PEDS1: variants seen among roughly 807,000 people sequenced by gnomAD.
The protein encoded by PEDS1 is CarF homolog.
PEDS1 carries 14 observed loss-of-function variants against 35.2 expected under a neutral mutation model. The ratio of observed to expected loss-of-function variants is 0.40; its 90% CI spans 0.26 to 0.62. The LOEUF (loss-of-function observed/expected upper bound fraction) is 0.62, where lower values mean the gene tolerates loss of function less well. Among genes scored for constraint, PEDS1 ranks in the 20% least tolerant of loss-of-function variants. PEDS1 has a pLI of 0.44. For synonymous variants in PEDS1, 152 were observed against 152.0 expected, an observed-to-expected ratio of 1.00 and a Z score of 0.00; for missense variants, 260 against 367.8, an observed-to-expected ratio of 0.71 and a Z score of 2.40.
rs527288266 is a variant in PEDS1, at chr20:50,137,209, G to C, written c.242-6262C>G. 2.2e-4 allele frequency among the ~76,000 whole-genome samples: 33 copies of C among 152,210 alleles called. No homozygotes were observed. In the South Asian group the frequency reaches 3.1e-3, roughly 14 times the overall value. ...AGACTCGTGAGGAGCTGGGACTACA[G>C]CTGTAGAGACAAGGGTCTCACCATG... On this transcript the variant is annotated intron_variant, in intron 2 of 5. Transcript: ENST00000371652.
chr20:50,141,117 T>C (rs989390825), intron 2 of PEDS1, among the ~76,000 whole-genome samples: 4 of 152,194 alleles, frequency 2.6e-5, no homozygotes, highest in African/African-American at 9.6e-5. Context: ...TTTACCCCCG[T>C]AGAGGCCTGA....
chr20:50,130,107 T>C (rs766845174), intron 3 of PEDS1, among the ~76,000 whole-genome samples: 9 of 152,112 alleles, frequency 5.9e-5, no homozygotes, highest in Non-Finnish European at 1.0e-4. Context: ...AAGGCTGACC[T>C]CGCCCCGGGC....
At chr20:50,126,774 T>A (rs930694889) in intron 5 of PEDS1, among the ~76,000 whole-genome samples, 2 of 152,210 alleles carry the variant, frequency 1.3e-5, no homozygotes, top group Non-Finnish European at 2.9e-5. Context: ...CTCACCTCTT[T>A]CGCACTGGCT....
At chr20:50,133,856 C>G (rs1368372668) in intron 2 of PEDS1, among the ~76,000 whole-genome samples, 1 of 152,242 alleles carries the variant, frequency 6.6e-6, no homozygotes, top group African/African-American at 2.4e-5. Context: ...GAAGTTGAAC[C>G]ACTGCCTCCC....
At position 50,124,819 on chromosome 20, in the gene PEDS1, G is replaced by A; in HGVS notation, c.*239C>T. The A allele has an allele frequency of 2.2e-6, 1 of 456,222 alleles. No individual in the cohort carries two copies. The highest frequency in any genetic ancestry group is 2.4e-5 in the South Asian group (1 of 41,662). The allele number at this position is 456,222 out of a possible 1,614,324, so 28.3% of individuals were successfully genotyped here. Reference sequence around the variant, plus strand: ...CTACCAGGGGAGGCTGGCAGAGTCAGGCTTGCAGATAGAGCAACTCAGGTG... The same window carrying A: ...CTACCAGGGGAGGCTGGCAGAGTCAAGCTTGCAGATAGAGCAACTCAGGTG... On this transcript the variant is annotated 3_prime_UTR_variant, in exon 6 of 6. Transcript: ENST00000371652.
At chr20:50,145,944 C>T (rs994020152) in intron 1 of PEDS1, among the ~76,000 whole-genome samples, 2 of 152,276 alleles carry the variant, frequency 1.3e-5, no homozygotes, top group African/African-American at 2.4e-5. Context: ...AACTAGTCAG[C>T]AGAGACCAGA....
chr20:50,147,911 C>G (rs961429750), intron 1 of PEDS1, among the ~76,000 whole-genome samples: 1 of 151,858 alleles, frequency 6.6e-6, no homozygotes, highest in Non-Finnish European at 1.5e-5. Context: ...CAAAAATTAG[C>G]CAGGTGTGGT....
chr20:50,146,914 C>T (rs947761709), intron 1 of PEDS1, among the ~76,000 whole-genome samples: 1 of 152,184 alleles, frequency 6.6e-6, no homozygotes, highest in Non-Finnish European at 1.5e-5. Flanking sequence ...TGATCAGGCC[C>T]AGCAAGGCCT....
intron 1 of PEDS1, among the ~76,000 whole-genome samples, chr20:50,148,587 A>G (rs2081369827): frequency 6.6e-6 from 1 of 152,174 alleles, no homozygotes; most frequent in African/African-American, 2.4e-5. Flanking sequence ...TGCCTTTGTC[A>G]TCCTGCTTTC....
At chr20:50,137,803 G>A (rs772072880) in intron 2 of PEDS1, among the ~76,000 whole-genome samples, 13 of 152,160 alleles carry the variant, frequency 8.5e-5, no homozygotes, top group South Asian at 8.3e-4. Context: ...CCTGGGAGGC[G>A]GAGGTTGCAG....
At chr20:50,151,513 G>C (rs1023379148) in intron 1 of PEDS1, among the ~76,000 whole-genome samples, 4 of 152,204 alleles carry the variant, frequency 2.6e-5, no homozygotes, top group Admixed American at 1.3e-4. Context: ...TGGGGAGTTT[G>C]AGGACCAGAG....
In PEDS1 at chr20:50,146,230, A is replaced by G. The variant is rs540840581; in HGVS notation, c.122-2609T>C. Among the ~76,000 whole-genome samples, 298 of 152,198 alleles carry G rather than the reference A, an allele frequency of 2.0e-3. 2 individuals are homozygous for G. Among genetic ancestry groups the G allele is most frequent in the African/African-American group, 6.7e-3 (276 of 41,502 alleles). On this transcript the variant is annotated intron_variant, in intron 1 of 5. Transcript: ENST00000371652. ...TCTCTTCACTCCCTGTGCACCTGAC[A>G]CTGTTCCTGCAGATCTCACCCTGGA...
intron 2 of PEDS1, among the ~76,000 whole-genome samples, chr20:50,131,583 C>T (rs2147277090): frequency 6.6e-6 from 1 of 151,740 alleles, no homozygotes; most frequent in Non-Finnish European, 1.5e-5. Flanking sequence ...GATCACACCA[C>T]TGCACTCCAG....
chr20:50,150,478 C>T (rs894306853), intron 1 of PEDS1, among the ~76,000 whole-genome samples: 2 of 152,136 alleles, frequency 1.3e-5, no homozygotes, highest in Admixed American at 1.3e-4. Context: ...TCCCTCCCTC[C>T]AGTCCTTCCT....
intron 3 of PEDS1, among the ~76,000 whole-genome samples, chr20:50,130,228 G>A (rs1399159876): frequency 6.6e-6 from 1 of 152,214 alleles, no homozygotes; most frequent in Non-Finnish European, 1.5e-5. Flanking sequence ...GGAGTGAGCC[G>A]TGGGACTTCA....
At chr20:50,125,919 G>A (rs1601205003) in intron 5 of PEDS1, among the ~76,000 whole-genome samples, 3 of 152,040 alleles carry the variant, frequency 2.0e-5, no homozygotes, top group South Asian at 2.1e-4. Flanking sequence ...ATGCAGATGG[G>A]GTCTTGTCTT....
At chr20:50,151,564 T>A (rs2147311634) in intron 1 of PEDS1, among the ~76,000 whole-genome samples, 1 of 152,150 alleles carries the variant, frequency 6.6e-6, no homozygotes, top group African/African-American at 2.4e-5. Flanking sequence ...AGACTACTGT[T>A]AACAACAGGG....
At position 50,143,356 on chromosome 20, in the gene PEDS1, C is replaced by T. The variant is rs114559890; in HGVS notation, c.241+146G>A. ...ACAGGCTGCAGGGAGGTGCTGCTGA[C>T]TGCAATAGGGAGGTGGGGTACTCAA... On this transcript the variant is annotated intron_variant, in intron 2 of 5. Transcript: ENST00000371652. 3,590 of 1,337,662 alleles carry T rather than the reference C, an allele frequency of 2.7e-3. 57 individuals carry two copies. The African/African-American group carries it at 0.033, about 12-fold the overall frequency. The allele number at this position is 1,337,662 out of a possible 1,614,324, so 82.9% of individuals were successfully genotyped here.
In PEDS1 at chr20:50,122,276, G is replaced by T. The variant is rs2081058041; in HGVS notation, c.*2782C>A. On this transcript the variant is annotated 3_prime_UTR_variant, in exon 6 of 6. Transcript: ENST00000371652. ...ATGAGCTAATACGATTATTTTAGCT[G>T]TTTACTTTAAATTTCTGTCATTTAT... 6.6e-6 allele frequency: 1 copy of T among 152,172 alleles called. No homozygotes were observed. The highest frequency in any genetic ancestry group is 1.5e-5 in the Non-Finnish European group (1 of 68,034). 9.4% of individuals were successfully genotyped at this position (152,172 alleles called of 1,614,324 possible). A position where few individuals can be genotyped will look rare whatever the true frequency, so the allele number is the denominator to read the frequency against.
Sources: gnomAD v4.1 joint callset for allele counts (sites outside exome capture counted in the v4.1 genomes callset) on GRCh38, gnomAD v4.1.1 for gene constraint, MANE v1.5 for transcripts, NCBI Gene and HGNC (gene_info 2026-07-23, HGNC 2026-07-21) for gene names.